Variants in PRCP observed in about 807,000 individuals in gnomAD.
The protein encoded by PRCP is lysosomal Pro-X carboxypeptidase.
PRCP carries 46 observed loss-of-function variants against 54.2 expected under a neutral mutation model. The ratio of observed to expected loss-of-function variants is 0.85; its 90% CI spans 0.67 to 1.09. The LOEUF (loss-of-function observed/expected upper bound fraction) is 1.09. Among genes scored for constraint, PRCP ranks in the 50% least tolerant of loss-of-function variants. PRCP has a pLI of 0.00. For synonymous variants in PRCP, 240 were observed against 212.2 expected (o/e 1.13, Z -1.14); for missense variants, 613 against 596.8 (o/e 1.03, Z -0.28).
At chr11:82,867,770 C>T (rs1454194148) in intron 1 of PRCP, among the ~76,000 whole-genome samples, 5 of 152,072 alleles carry the variant, frequency 3.3e-5, no homozygotes, top group South Asian at 2.1e-4. Context: ...GTAGCCCAGG[C>T]AAAGTAGAGT....
chr11:82,837,119 G>A lies in PRCP; in HGVS notation c.1274+1268C>T, dbSNP rs147935785. 1,790 of 221,404 alleles carry A rather than the reference G, an allele frequency of 8.1e-3. 84 individuals carry two copies. The highest frequency in any genetic ancestry group is 0.081 in the Admixed American group (1,699 of 21,042). 13.7% of individuals were successfully genotyped at this position (221,404 alleles called of 1,614,324 possible). Reference sequence around the variant, plus strand: ...GACACAATCCTGCAGAAGGGCATCCGACTCTATTTCTTACAGTGTGAAAGT... The same window carrying A: ...GACACAATCCTGCAGAAGGGCATCCAACTCTATTTCTTACAGTGTGAAAGT... On this transcript the variant is annotated intron_variant, in intron 8 of 8. Coordinates refer to ENST00000313010, the MANE Select transcript of PRCP (RefSeq NM_005040.4).
At position 82,823,416 on chromosome 11, in the gene PRCP, C is replaced by T. The variant is rs1858143732; in HGVS notation, c.*1490G>A. 1 of 152,084 alleles carries T rather than the reference C, an allele frequency of 6.6e-6. No homozygotes were observed. The highest frequency in any genetic ancestry group is 2.1e-4 in the South Asian group (1 of 4,826). 9.4% of individuals were successfully genotyped at this position (152,084 alleles called of 1,614,324 possible). A position where few individuals can be genotyped will look rare whatever the true frequency, so the allele number is the denominator to read the frequency against. On this transcript the variant is annotated 3_prime_UTR_variant, in exon 9 of 9. Transcript: ENST00000313010. ...AGTTACCAAATGCTTTGATAGACAA[C>T]TCATTACAATGAGAACTGAAGGCTC...
At chr11:82,895,656 A>C (rs2121284200) in intron 1 of PRCP, among the ~76,000 whole-genome samples, 1 of 152,314 alleles carries the variant, frequency 6.6e-6, no homozygotes, top group Admixed American at 6.5e-5. Flanking sequence ...CTGACAGGAC[A>C]CTCCAGGCCT....
chr11:82,855,109 ACAT>A (rs943457322), intron 2 of PRCP, among the ~76,000 whole-genome samples: 59 of 152,356 alleles, frequency 3.9e-4, no homozygotes, highest in African/African-American at 1.3e-3. Flanking sequence ...ACCATTCTGG[ACAT>A]CAGCCTTGGC....
intron 1 of PRCP, among the ~76,000 whole-genome samples, chr11:82,894,833 C>A (rs954844436): frequency 6.6e-6 from 1 of 152,116 alleles, no homozygotes; most frequent in Non-Finnish European, 1.5e-5. Flanking sequence ...GAAGGTACTT[C>A]CAAAAACCTA....
chr11:82,851,862 A>G (rs1481307549), intron 3 of PRCP, among the ~76,000 whole-genome samples: 1 of 151,914 alleles, frequency 6.6e-6, no homozygotes, highest in Non-Finnish European at 1.5e-5. Flanking sequence ...CTCTTCCAAG[A>G]TGTATGCCTT....
chr11:82,835,766 G>C, intron 8 of PRCP: 1 of 425,380 alleles, frequency 2.4e-6, no homozygotes, highest in Non-Finnish European at 4.6e-6. Context: ...TGCTGATAAA[G>C]CTGAAGAAGT....
intron 6 of PRCP, chr11:82,840,758 C>T (rs1858643532): frequency 1.3e-5 from 2 of 151,766 alleles, no homozygotes; most frequent in Admixed American, 1.3e-4. Flanking sequence ...AGAACCCTAT[C>T]AGATAGATGA....
chr11:82,878,994 T>A (rs2121234106), intron 1 of PRCP, among the ~76,000 whole-genome samples: 1 of 152,324 alleles, frequency 6.6e-6, no homozygotes, highest in African/African-American at 2.4e-5. Context: ...CTTTGGTGAA[T>A]CTGACAATTA....
At chr11:82,899,822 A>G (rs941446157) in intron 1 of PRCP, among the ~76,000 whole-genome samples, 1 of 152,238 alleles carries the variant, frequency 6.6e-6, no homozygotes, top group Non-Finnish European at 1.5e-5. Context: ...TCTAATAGGT[A>G]AAGATATTAA....
At chr11:82,847,610 T>C (rs532369444) in intron 6 of PRCP, among the ~76,000 whole-genome samples, 3 of 152,306 alleles carry the variant, frequency 2.0e-5, no homozygotes, top group South Asian at 2.1e-4. Context: ...TTCTTTTCTT[T>C]ACTTTTCTTT....
At chr11:82,901,516 C>T (rs1860298523), upstream of PRCP, 1 of 155,690 alleles carries the variant, frequency 6.4e-6, no homozygotes, top group African/African-American at 2.4e-5. Context: ...ACCCTACGCC[C>T]AGGAGGCTCA....
chr11:82,850,377 A>G lies in PRCP; in HGVS notation c.540T>C (p.Tyr180=), dbSNP rs774009518. The G allele has an allele frequency of 1.3e-6, 2 of 1,597,698 alleles. No homozygotes were observed. The highest frequency in any genetic ancestry group is 3.4e-5 in the Admixed American group (2 of 58,308). The change falls in exon 4 of 9, where the codon TAT becomes TAC. Residue 180 remains tyrosine, a synonymous_variant. Coordinates refer to ENST00000313010, the MANE Select transcript of PRCP (RefSeq NM_005040.4). ...NQPVIAIGGS[Y]GGMLAAWFRM... The stretch of plus-strand genomic sequence containing the variant: ...TAAACCAGGCGGCAAGCATGCCACC[A>G]TAGGAGCCTCCTATGGCAATGACAG...
At position 82,860,070 on chromosome 11, in the gene PRCP, G is replaced by A. The variant is rs1480322909; in HGVS notation, c.216C>T (p.Tyr72=). 6.4e-7 allele frequency: 1 copy of A among 1,572,538 alleles called. No homozygotes were observed. Among genetic ancestry groups the A allele is most frequent in the African/African-American group, 1.4e-5 (1 of 72,922 alleles). The change falls in exon 2 of 9, where the codon TAC becomes TAT. Residue 72 remains tyrosine, a synonymous_variant. Coordinates refer to ENST00000313010, the MANE Select transcript of PRCP (RefSeq NM_005040.4). ...TCTTCCAGTATTTATCAGCTACTAGGTACCGCTGATTAAAAGTTTTCACAG... is the reference window on the plus strand; with the variant it reads ...TCTTCCAGTATTTATCAGCTACTAGATACCGCTGATTAAAAGTTTTCACAG... ...FNTVKTFNQR[Y]LVADKYWKKN... is the part of the protein sequence containing the mutation.
chr11:82,872,913 A>G (rs1279495070), intron 1 of PRCP, among the ~76,000 whole-genome samples: 1 of 152,170 alleles, frequency 6.6e-6, no homozygotes, highest in Non-Finnish European at 1.5e-5. Flanking sequence ...GGCCAGAAAG[A>G]GTTTAATGTA....
chr11:82,853,337 C>T (rs879338493), intron 2 of PRCP, 59 bp from the exon 3 acceptor site: 2 of 1,440,806 alleles, frequency 1.4e-6, no homozygotes, highest in Non-Finnish European at 9.6e-7. Context: ...AGTCACTGAA[C>T]CTTTTGGCAA....
At chr11:82,892,562 A>G (rs1239416177) in intron 1 of PRCP, among the ~76,000 whole-genome samples, 1 of 152,210 alleles carries the variant, frequency 6.6e-6, no homozygotes, top group Non-Finnish European at 1.5e-5. Context: ...AAATCTATAT[A>G]TCAATTTTGT....
At chr11:82,855,743 T>C (rs1859067761) in intron 2 of PRCP, among the ~76,000 whole-genome samples, 1 of 151,974 alleles carries the variant, frequency 6.6e-6, no homozygotes, top group African/African-American at 2.4e-5. Flanking sequence ...CCAACAAACA[T>C]GAACAAAGGC....
At chr11:82,848,513 G>A (rs1351271512) in intron 6 of PRCP, among the ~76,000 whole-genome samples, 1 of 152,170 alleles carries the variant, frequency 6.6e-6, no homozygotes, top group Non-Finnish European at 1.5e-5. Flanking sequence ...AGCAGTTCTG[G>A]ACCAAAACCT....
Sources: allele counts gnomAD v4.1 joint callset (sites outside exome capture counted in the v4.1 genomes callset), GRCh38; gene constraint gnomAD v4.1.1; transcripts MANE v1.5; gene names NCBI Gene and HGNC (gene_info 2026-07-23, HGNC 2026-07-21).